Variants in NCKAP5 observed in about 807,000 individuals in gnomAD.
NCKAP5 encodes nck-associated protein 5.
In NCKAP5, 92 loss-of-function variants were observed where a neutral mutation model predicts 167.0. The observed-to-expected ratio is 0.55, with a 90% CI of 0.47 to 0.66. The LOEUF (loss-of-function observed/expected upper bound fraction) is 0.66. Ranked by LOEUF, NCKAP5 falls within the 30% of genes least tolerant of loss-of-function variation. The pLI is 0.00. For missense variants in NCKAP5, 2,378 were observed against 2,315.0 expected, an observed-to-expected ratio of 1.03 and a Z score of -0.56; for synonymous variants, 891 against 877.4, an observed-to-expected ratio of 1.02 and a Z score of -0.27.
chr2:132,768,135 A>C (rs1681682429), intron 16 of NCKAP5, among the ~76,000 whole-genome samples: 1 of 152,198 alleles, frequency 6.6e-6, no homozygotes, highest in South Asian at 2.1e-4. Flanking sequence ...CAACTCTTTT[A>C]AGTTGGTGGT....
chr2:133,083,601 A>T (rs530823010), intron 6 of NCKAP5, among the ~76,000 whole-genome samples: 7 of 152,190 alleles, frequency 4.6e-5, no homozygotes, highest in Non-Finnish European at 1.0e-4. Context: ...CACGTATCTT[A>T]CCAGACAGGA....
chr2:132,784,298 G>T lies in NCKAP5; in HGVS notation c.2513C>A (p.Ala838Asp). 6.2e-7 allele frequency: 1 copy of T among 1,613,910 alleles called. No individual in the cohort carries two copies. Among genetic ancestry groups the T allele is most frequent in the Middle Eastern group, 1.7e-4 (1 of 6,058 alleles). Reference protein sequence around the residue: ...SGLVTLEKSPALAPGKLSRFM... With the variant: ...SGLVTLEKSPDLAPGKLSRFM... ...TCGTGAGAGTTTCCCAGGAGCTAAG[G>T]CTGGTGATTTTTCAAGAGTCACCAG... is the stretch of plus-strand genomic sequence containing the variant. The change falls in exon 14 of 20, where the codon GCC becomes GAC. Residue 838 changes from alanine (A) to aspartate (D), a missense_variant. This residue lies in a region of NCKAP5 where 1,049 missense variants were observed against 1,023.4 expected (regional missense o/e 1.02). Transcript: ENST00000409261.
intron 6 of NCKAP5, among the ~76,000 whole-genome samples, chr2:133,096,176 T>C (rs1338161599): frequency 6.6e-6 from 1 of 152,124 alleles, no homozygotes; most frequent in Non-Finnish European, 1.5e-5. Context: ...TAAAGCAGTG[T>C]TGGCAAACCT....
chr2:132,922,736 T>C (rs2149012910), intron 8 of NCKAP5, among the ~76,000 whole-genome samples: 1 of 152,338 alleles, frequency 6.6e-6, no homozygotes, highest in East Asian at 1.9e-4. Context: ...TATAGAGAAG[T>C]TGAGGAGCCT....
At chr2:133,023,479 G>A (rs1446774120) in intron 6 of NCKAP5, among the ~76,000 whole-genome samples, 1 of 152,018 alleles carries the variant, frequency 6.6e-6, no homozygotes, top group Non-Finnish European at 1.5e-5. Flanking sequence ...GATTTAGGGG[G>A]TACATGTACA....
chr2:132,782,670 T>G lies in NCKAP5; in HGVS notation c.4141A>C (p.Ile1381Leu), dbSNP rs191768817. The change falls in exon 14 of 20, where the codon ATC (isoleucine) becomes CTC (leucine). Residue 1381 changes from isoleucine to leucine, a missense_variant. By Grantham distance (5) the Ile-to-Leu change is conservative. This residue lies in a region of NCKAP5 where 1,325 missense variants were observed against 1,274.5 expected (regional missense o/e 1.04). Coordinates refer to ENST00000409261, the MANE Select transcript of NCKAP5 (RefSeq NM_207363.3). ...RIPPKSEGLL[I>L]PPGKEDQQAF... is the part of the protein sequence containing the mutation. ...TGCTGGTCTTCCTTTCCAGGTGGGA[T>G]GAGGAGTCCCTCAGACTTTGGAGGG... 6.2e-7 allele frequency: 1 copy of G among 1,613,170 alleles called. No homozygotes were observed.
At position 133,384,399 on chromosome 2, in the gene NCKAP5, C is replaced by T. The variant is rs573478169; in HGVS notation, c.70-81289G>A. On this transcript the variant is annotated intron_variant, in intron 3 of 19. Coordinates refer to ENST00000409261, the MANE Select transcript of NCKAP5 (RefSeq NM_207363.3). Reference sequence around the variant, plus strand: ...TGGTATTATTTCTGAGGTCTCTGTTCTGTTCCATTGGTCTATATCTCTGTT... The same window carrying T: ...TGGTATTATTTCTGAGGTCTCTGTTTTGTTCCATTGGTCTATATCTCTGTT... Among the ~76,000 whole-genome samples the T allele has an allele frequency of 5.3e-5, 8 of 152,292 alleles. No individual in the cohort carries two copies. In the South Asian group the frequency reaches 1.5e-3, roughly 28 times the overall value.
chr2:133,164,194 A>G lies in NCKAP5; in HGVS notation c.208-34083T>C, dbSNP rs540987794. ...AATATATAAATTGATGCCTTCAACA[A>G]TCTGTGGTGGTCCATCCACACACAC... is the stretch of plus-strand genomic sequence containing the variant. On this transcript the variant is annotated intron_variant, in intron 5 of 19. Transcript: ENST00000409261. Among the ~76,000 whole-genome samples the G allele has an allele frequency of 9.3e-4, 142 of 152,338 alleles. 1 individual carries two copies. The highest frequency in any genetic ancestry group is 3.1e-3 in the African/African-American group (130 of 41,580).
the NCKAP5 span, among the ~76,000 whole-genome samples, chr2:133,610,611 T>C: frequency 1.3e-5 from 2 of 152,160 alleles, no homozygotes; most frequent in African/African-American, 4.8e-5. Context: ...AGAAGAAGGC[T>C]AGATATTCTT....
chr2:133,303,159 C>A (rs781465655), intron 3 of NCKAP5, 49 bp from the exon 4 acceptor site: 4 of 1,296,328 alleles, frequency 3.1e-6, no homozygotes, highest in Non-Finnish European at 3.3e-6. Context: ...ACAGTCCCCA[C>A]CATCCTAAGA....
chr2:133,497,459 A>G (rs1388434898), intron 3 of NCKAP5, among the ~76,000 whole-genome samples: 2 of 152,230 alleles, frequency 1.3e-5, no homozygotes, highest in Non-Finnish European at 2.9e-5. Context: ...AATGGGCTGA[A>G]TAAGATCCTC....
At chr2:132,732,750 C>T (rs61709523) in intron 16 of NCKAP5, among the ~76,000 whole-genome samples, 18 of 152,272 alleles carry the variant, frequency 1.2e-4, no homozygotes, top group African/African-American at 4.3e-4. Flanking sequence ...AAGTGACGTC[C>T]TAACAATGGT....
chr2:133,580,757 C>T, the NCKAP5 span, among the ~76,000 whole-genome samples: 1 of 152,224 alleles, frequency 6.6e-6, no homozygotes, highest in Non-Finnish European at 1.5e-5. Flanking sequence ...TGTGGACAGA[C>T]TTTGGTTTTG....
rs114222693 is a variant in NCKAP5 at position 133,120,240 on chromosome 2, C to A, written c.341+9738G>T. ...TCAGAACCCCATAGCTTCAGCATAG[C>A]TAATTCTCTGCTTCATTCTTAAGAA... On this transcript the variant is annotated intron_variant, in intron 6 of 19. Coordinates refer to ENST00000409261, the MANE Select transcript of NCKAP5 (RefSeq NM_207363.3). Among the ~76,000 whole-genome samples the A allele has an allele frequency of 5.3e-3, 809 of 152,270 alleles. 15 individuals are homozygous for A. Among genetic ancestry groups the A allele is most frequent in the African/African-American group, 0.018 (768 of 41,560 alleles).
chr2:132,816,184 T>C (rs936393134), intron 11 of NCKAP5, among the ~76,000 whole-genome samples: 4 of 152,124 alleles, frequency 2.6e-5, no homozygotes, highest in Non-Finnish European at 4.4e-5. Context: ...TTTAATTAAA[T>C]GCTTGAAGAC....
At chr2:132,789,965 C>A in intron 13 of NCKAP5, 58 bp downstream of exon 13, 1 of 1,512,594 alleles carries the variant, frequency 6.6e-7, no homozygotes, top group Non-Finnish European at 8.9e-7. Context: ...ATCTCCATGA[C>A]CAAATCCTAC....
At chr2:133,073,458 G>A (rs1053432467) in intron 6 of NCKAP5, among the ~76,000 whole-genome samples, 5 of 152,128 alleles carry the variant, frequency 3.3e-5, no homozygotes, top group Admixed American at 2.0e-4. Flanking sequence ...GTAGACCATC[G>A]TGCAAGTCTC....
At chr2:133,303,158 AC>A (rs1204421593) in intron 3 of NCKAP5, 48 bp from the exon 4 acceptor site, 1 of 1,326,524 alleles carries the variant, frequency 7.5e-7, no homozygotes, top group African/African-American at 1.5e-5. Flanking sequence ...GACAGTCCCC[AC>A]CATCCTAAGA....
chr2:132,916,224 C>T (rs1694864658), intron 8 of NCKAP5, among the ~76,000 whole-genome samples: 1 of 151,906 alleles, frequency 6.6e-6, no homozygotes, highest in Non-Finnish European at 1.5e-5. Flanking sequence ...AGGGGACCCA[C>T]TATATTGTGC....
Sources: allele counts gnomAD v4.1 joint callset (sites outside exome capture counted in the v4.1 genomes callset), GRCh38; gene constraint gnomAD v4.1.1; regional missense constraint gnomAD v4.1.1; transcripts MANE v1.5; gene names NCBI Gene and HGNC (gene_info 2026-07-23, HGNC 2026-07-21).